Variants in RSPO3 observed in about 807,000 individuals in gnomAD.
The protein encoded by RSPO3 is R-spondin 3.
Under a neutral mutation model 36.5 loss-of-function variants are expected in RSPO3, and 17 were observed. The observed-to-expected ratio is 0.47, with a 90% CI of 0.32 to 0.70. The LOEUF (loss-of-function observed/expected upper bound fraction) is 0.70, where lower values mean the gene tolerates loss of function less well. Ranked by LOEUF, RSPO3 falls within the 30% of genes least tolerant of loss-of-function variation. The pLI, the probability that RSPO3 is intolerant of heterozygous loss-of-function variation, is 0.04. For synonymous variants in RSPO3, 108 were observed against 107.0 expected (o/e 1.01, Z -0.06); for missense variants, 294 against 322.5 (o/e 0.91, Z 0.68).
chr6:127,137,549 G>A (rs1774184619), intron 1 of RSPO3, among the ~76,000 whole-genome samples: 1 of 152,132 alleles, frequency 6.6e-6, no homozygotes, highest in Admixed American at 6.5e-5. Flanking sequence ...TCTATTGGCT[G>A]GAAGCTGACT....
chr6:127,141,248 C>A (rs1416286924), intron 1 of RSPO3, among the ~76,000 whole-genome samples: 1 of 152,108 alleles, frequency 6.6e-6, no homozygotes. Flanking sequence ...CATTTCTAGT[C>A]CTGATTTTGG....
chr6:127,183,242 C>T (rs1425717960), intron 4 of RSPO3, among the ~76,000 whole-genome samples: 2 of 151,992 alleles, frequency 1.3e-5, no homozygotes, highest in East Asian at 1.9e-4. Context: ...TCTGTTCCAA[C>T]CTGGACTTCC....
chr6:127,178,842 A>G (rs1775121813), intron 4 of RSPO3, among the ~76,000 whole-genome samples: 1 of 151,810 alleles, frequency 6.6e-6, no homozygotes. Context: ...AGGCTTTACC[A>G]GCCAAAGAAA....
At chr6:127,132,112 C>T (rs558507349) in intron 1 of RSPO3, among the ~76,000 whole-genome samples, 2 of 152,194 alleles carry the variant, frequency 1.3e-5, no homozygotes, top group African/African-American at 2.4e-5. Context: ...TCTCCCCCAA[C>T]ACCAGCCCCC....
intron 1 of RSPO3, among the ~76,000 whole-genome samples, chr6:127,129,467 A>G (rs759358059): frequency 4.6e-5 from 7 of 152,006 alleles, no homozygotes; most frequent in Non-Finnish European, 8.8e-5. Flanking sequence ...CCAAATCCCA[A>G]TAACCGCAGT....
At chr6:127,144,201 A>T (rs1582792998) in intron 1 of RSPO3, among the ~76,000 whole-genome samples, 2 of 152,186 alleles carry the variant, frequency 1.3e-5, no homozygotes, top group South Asian at 4.1e-4. Context: ...AAAGATAGAC[A>T]TATTAATTTC....
intron 4 of RSPO3, among the ~76,000 whole-genome samples, chr6:127,173,940 T>C (rs78272961): frequency 0.016 from 2,377 of 152,054 alleles, 45 homozygotes; most frequent in South Asian, 0.047. Context: ...AGTTTCATTC[T>C]AACATGAAAA....
At chr6:127,158,715 G>A (rs1397867166) in intron 4 of RSPO3, among the ~76,000 whole-genome samples, 1 of 152,034 alleles carries the variant, frequency 6.6e-6, no homozygotes, top group East Asian at 1.9e-4. Context: ...CTCATGGTTA[G>A]AATAAGTTAA....
chr6:127,148,330 A>C (rs184170268), intron 1 of RSPO3, among the ~76,000 whole-genome samples: 29 of 151,424 alleles, frequency 1.9e-4, no homozygotes, highest in Admixed American at 1.3e-3. Context: ...GAATATATAT[A>C]ATTAGTTATA....
intron 3 of RSPO3, among the ~76,000 whole-genome samples, chr6:127,150,991 A>C (rs1309015739): frequency 6.6e-6 from 1 of 151,854 alleles, no homozygotes; most frequent in Non-Finnish European, 1.5e-5. Flanking sequence ...TTAGAGCAAC[A>C]GTTTCATAAA....
intron 4 of RSPO3, chr6:127,192,515 G>C: frequency 4.0e-6 from 1 of 248,674 alleles, no homozygotes; most frequent in Non-Finnish European, 6.4e-6. Context: ...TTTGAAAACA[G>C]CATTTTTCTG....
intron 2 of RSPO3, among the ~76,000 whole-genome samples, chr6:127,149,615 C>A (rs1379701928): frequency 6.6e-6 from 1 of 152,038 alleles, no homozygotes; most frequent in Non-Finnish European, 1.5e-5. Context: ...GCCTGTTCCC[C>A]TTGTCAACCA....
chr6:127,130,544 T>A (rs1774031306), intron 1 of RSPO3, among the ~76,000 whole-genome samples: 1 of 152,146 alleles, frequency 6.6e-6, no homozygotes, highest in Non-Finnish European at 1.5e-5. Context: ...ACTGCACACA[T>A]CTAATAGTTA....
rs777802748 is a variant in RSPO3 at position 127,155,364 on chromosome 6, G to T, written c.560G>T (p.Gly187Val). ...ATAATACAGCATCCTTCAGCAAAGGGTAACCTGTGTCCCCCAACAAATGAG... is the reference window on the plus strand; with the variant it reads ...ATAATACAGCATCCTTCAGCAAAGGTTAACCTGTGTCCCCCAACAAATGAG... ...REIIQHPSAK[G>V]NLCPPTNETR... Residue 187 changes from glycine to valine, a missense_variant, in exon 4 of 5, where the codon GGT becomes GTT. Coordinates refer to ENST00000356698, the MANE Select transcript of RSPO3 (RefSeq NM_032784.5). The T allele has an allele frequency of 6.2e-7, 1 of 1,613,824 alleles. No homozygotes were observed. Among genetic ancestry groups the T allele is most frequent in the Non-Finnish European group, 8.5e-7 (1 of 1,179,882 alleles).
At chr6:127,138,329 G>A (rs149100299) in intron 1 of RSPO3, among the ~76,000 whole-genome samples, 95 of 152,100 alleles carry the variant, frequency 6.2e-4, no homozygotes, top group Admixed American at 2.3e-3. Flanking sequence ...GTGCCTCAGA[G>A]GTCTTCTTGA....
chr6:127,137,338 C>A (rs111922711), intron 1 of RSPO3, among the ~76,000 whole-genome samples: 1 of 152,074 alleles, frequency 6.6e-6, no homozygotes, highest in African/African-American at 2.4e-5. Flanking sequence ...TTGCAGTGAG[C>A]GGAGTTGGTG....
rs1775539685 is a variant in RSPO3 at position 127,197,582 on chromosome 6, C to G, written c.*1575C>G. The G allele has an allele frequency of 6.5e-7, 1 of 1,530,132 alleles. No individual in the cohort carries two copies. The highest frequency in any genetic ancestry group is 2.5e-5 in the East Asian group (1 of 40,676). The allele number at this position is 1,530,132 out of a possible 1,614,324, so 94.8% of individuals were successfully genotyped here. On this transcript the variant is annotated 3_prime_UTR_variant, in exon 5 of 5. Transcript: ENST00000356698. ...TGGAAGGATGCACGGCTGCTCTGTC[C>G]ACTGTGATTCCTAGCCCTCTCAAGA... is the stretch of plus-strand genomic sequence containing the variant.
intron 4 of RSPO3, among the ~76,000 whole-genome samples, chr6:127,157,773 A>G (rs1445193336): frequency 1.3e-5 from 2 of 151,942 alleles, no homozygotes; most frequent in Non-Finnish European, 2.9e-5. Context: ...GTGTTTGTCA[A>G]AAACTTTTCT....
chr6:127,176,101 TA>T (rs1177966066), intron 4 of RSPO3, among the ~76,000 whole-genome samples: 1 of 151,828 alleles, frequency 6.6e-6, no homozygotes, highest in African/African-American at 2.4e-5. Flanking sequence ...GGAATCACCA[TA>T]AAAAGGGGTT....
Sources: gnomAD v4.1 joint callset for allele counts (sites outside exome capture counted in the v4.1 genomes callset) on GRCh38, gnomAD v4.1.1 for gene constraint, MANE v1.5 for transcripts, NCBI Gene and HGNC (gene_info 2026-07-23, HGNC 2026-07-21) for gene names.